Variants in EPS8 observed in about 807,000 individuals in gnomAD.
The protein encoded by EPS8 is epidermal growth factor receptor kinase substrate 8.
EPS8 carries 42 observed loss-of-function variants against 103.8 expected under a neutral mutation model. The observed-to-expected ratio is 0.40, with a 90% confidence interval of 0.32 to 0.52. The LOEUF (loss-of-function observed/expected upper bound fraction) is 0.52. EPS8 is among the 20% of genes least tolerant of loss of function. The pLI is 0.40. For synonymous variants in EPS8, 344 were observed against 344.6 expected (o/e 1.00, Z 0.02); for missense variants, 969 against 1,005.1 (o/e 0.96, Z 0.49).
Position 15,660,606 on chromosome 12 carries a change from C to T in EPS8, c.937+8G>A, listed in dbSNP as rs1462825887. 1.5e-6 allele frequency: 2 copies of T among 1,341,280 alleles called. No homozygotes were observed. The highest frequency in any genetic ancestry group is 2.1e-6 in the Non-Finnish European group (2 of 931,740). 83.1% of individuals were successfully genotyped at this position (1,341,280 alleles called of 1,614,324 possible). A position where few individuals can be genotyped will look rare whatever the true frequency, so the allele number is the denominator to read the frequency against. On this transcript the variant is annotated splice_region_variant and intron_variant, in intron 10 of 20. Transcript: ENST00000281172. ...CAGGCATTAGAAGATTAAGAAAATC[C>T]AACTTACCTCCTGGTCCTTTCCTTT...
chr12:15,659,972 A>C (rs181078062), intron 10 of EPS8, among the ~76,000 whole-genome samples: 5 of 152,332 alleles, frequency 3.3e-5, no homozygotes, highest in Non-Finnish European at 7.4e-5. Flanking sequence ...CAACAGAATA[A>C]ATCCAACTAC....
chr12:15,638,093 G>T (rs985608979), intron 17 of EPS8, among the ~76,000 whole-genome samples: 1 of 151,930 alleles, frequency 6.6e-6, no homozygotes, highest in African/African-American at 2.4e-5. Flanking sequence ...TAAGTTGCAG[G>T]ATTCTTCCTT....
rs780966252 is a variant in EPS8, at chr12:15,776,162, T to C, written c.-22+12999A>G. ...AAATTTTTGCCCAAGTATTCTCCTT[T>C]CCAGTGATTGGTATGGTTGATATCA... On this transcript the variant is annotated intron_variant, in intron 1 of 20. Coordinates refer to ENST00000281172, the MANE Select transcript of EPS8 (RefSeq NM_004447.6). The surrounding 1 kb of genome is among the most constrained non-coding windows in gnomAD (Gnocchi z 4.2). 2.0e-5 allele frequency among the ~76,000 whole-genome samples: 3 copies of C among 152,176 alleles called. No homozygotes were observed. The highest frequency in any genetic ancestry group is 4.4e-5 in the Non-Finnish European group (3 of 68,020).
Position 15,669,808 on chromosome 12 carries a change from G to C in EPS8, c.222C>G (p.Val74=). ...QYRVEHLTTF[V]LDRKDAMITV... ...TGATCATAGCATCTTTCCGATCCAG[G>C]ACAAAGGTAGTCAAGTGCTTACAAT... Residue 74 remains valine (V), a synonymous_variant, in exon 5 of 21, where the codon GTC becomes GTG. Coordinates refer to ENST00000281172, the MANE Select transcript of EPS8 (RefSeq NM_004447.6). 3.7e-6 allele frequency: 6 copies of C among 1,601,746 alleles called. No homozygotes were observed. Among genetic ancestry groups the C allele is most frequent in the Non-Finnish European group, 5.1e-6 (6 of 1,176,008 alleles).
chr12:15,755,216 T>C (rs1946974138), intron 1 of EPS8, among the ~76,000 whole-genome samples: 1 of 152,234 alleles, frequency 6.6e-6, no homozygotes, highest in African/African-American at 2.4e-5. Context: ...AATCAAGTTC[T>C]CCTTGACACT....
chr12:15,765,807 T>A (rs1947087728), intron 1 of EPS8, among the ~76,000 whole-genome samples: 1 of 151,548 alleles, frequency 6.6e-6, no homozygotes, highest in African/African-American at 2.4e-5. Context: ...AAAGTGGTTT[T>A]TTTTTTTTGG....
At chr12:15,646,883 T>A (rs1328254041) in intron 15 of EPS8, among the ~76,000 whole-genome samples, 1 of 152,216 alleles carries the variant, frequency 6.6e-6, no homozygotes, top group Non-Finnish European at 1.5e-5. Context: ...TTGTCCGAAG[T>A]ATCTTTTAAA....
chr12:15,685,472 T>TCA (rs1318352824), intron 1 of EPS8, among the ~76,000 whole-genome samples: 1 of 152,212 alleles, frequency 6.6e-6, no homozygotes, highest in Non-Finnish European at 1.5e-5. Context: ...CCACAGCAGC[T>TCA]GGTTTTAATG....
intron 15 of EPS8, among the ~76,000 whole-genome samples, chr12:15,644,698 A>C (rs1591815253): frequency 1.4e-3 from 1 of 736 alleles, no homozygotes; most frequent in African/African-American, 1.6e-3. Flanking sequence ...ACTCTGTCTC[A>C]AAAAAAAAAA....
In EPS8 at chr12:15,714,808, T is replaced by C. The variant is rs1159307100; in HGVS notation, c.-21-31836A>G. Among the ~76,000 whole-genome samples, 1 of 152,204 alleles carries C rather than the reference T, an allele frequency of 6.6e-6. No homozygotes were observed. The highest frequency in any genetic ancestry group is 1.5e-5 in the Non-Finnish European group (1 of 68,026). ...TAAAAGTGAAAAGCATCACTATAAA[T>C]AGAATTTTTAAAATGTATTTAGAAA... On this transcript the variant is annotated intron_variant, in intron 1 of 20. Coordinates refer to ENST00000281172, the MANE Select transcript of EPS8 (RefSeq NM_004447.6). The surrounding 1 kb of genome is among the most constrained non-coding windows in gnomAD (Gnocchi z 4.1).
intron 8 of EPS8, 158 bp from the exon 9 acceptor site, chr12:15,662,257 T>C (rs1945619116): frequency 1.4e-6 from 2 of 1,456,510 alleles, no homozygotes; most frequent in South Asian, 1.5e-5. Context: ...AGCCATGAAA[T>C]GCATCCTTGT....
chr12:15,663,948 A>AATATAT (rs58743830), intron 8 of EPS8, among the ~76,000 whole-genome samples: 119 of 49,392 alleles, frequency 2.4e-3, no homozygotes, highest in African/African-American at 6.5e-3. Flanking sequence ...AAAAAAAAAT[A>AATATAT]ATATATATAT....
chr12:15,709,291 TG>T (rs1364483450), intron 1 of EPS8, among the ~76,000 whole-genome samples: 2 of 151,760 alleles, frequency 1.3e-5, no homozygotes, highest in Non-Finnish European at 2.9e-5. Context: ...TAACAGAAGA[TG>T]GAACACAAAA....
rs1946319050 is a variant in EPS8 at position 15,702,157 on chromosome 12, G to A, written c.-21-19185C>T. 6.6e-6 allele frequency among the ~76,000 whole-genome samples: 1 copy of A among 152,152 alleles called. No individual in the cohort carries two copies. Among genetic ancestry groups the A allele is most frequent in the African/African-American group, 2.4e-5 (1 of 41,436 alleles). ...AGAAGAACAAATTTATTCCAAAAGG[G>A]CAAAGTGCTTAGAGCAGCAGCCTAA... On this transcript the variant is annotated intron_variant, in intron 1 of 20. Transcript: ENST00000281172. The surrounding 1 kb of genome is among the most constrained non-coding windows in gnomAD (Gnocchi z 5.1).
chr12:15,669,814 G>C lies in EPS8; in HGVS notation c.216C>G (p.Thr72=). The C allele has an allele frequency of 6.3e-7, 1 of 1,599,672 alleles. No individual in the cohort carries two copies. The highest frequency in any genetic ancestry group is 8.5e-7 in the Non-Finnish European group (1 of 1,174,786). The part of the protein sequence containing the change: ...ISQYRVEHLT[T]FVLDRKDAMI... ...TAGCATCTTTCCGATCCAGGACAAA[G>C]GTAGTCAAGTGCTTACAATTGGCAA... The change falls in exon 5 of 21, where the codon ACC becomes ACG. Residue 72 remains threonine, a synonymous_variant. Coordinates refer to ENST00000281172, the MANE Select transcript of EPS8 (RefSeq NM_004447.6).
chr12:15,641,936 AT>A, intron 15 of EPS8, 106 bp from the exon 16 acceptor site: 1 of 471,642 alleles, frequency 2.1e-6, no homozygotes, highest in Non-Finnish European at 3.7e-6. Context: ...TTTCTGAAAA[AT>A]TACAGCAGTT....
chr12:15,638,427 T>C (rs1945172979), intron 17 of EPS8, among the ~76,000 whole-genome samples: 2 of 152,240 alleles, frequency 1.3e-5, no homozygotes, highest in South Asian at 4.1e-4. Flanking sequence ...CCCAAAATTT[T>C]CAGGAGGTGT....
At position 15,778,055 on chromosome 12, in the gene EPS8, C is replaced by A. The variant is rs1318852211; in HGVS notation, c.-22+11106G>T. On this transcript the variant is annotated intron_variant, in intron 1 of 20. Coordinates refer to ENST00000281172, the MANE Select transcript of EPS8 (RefSeq NM_004447.6). This position sits in a 1 kb window ranked among gnomAD's most constrained non-coding sequence, Gnocchi z 4.5. ...TAATTCTGCAAACATAGCAAACATA[C>A]AAATATACAAAAAATATAGACCTTA... Among the ~76,000 whole-genome samples, 1 of 152,054 alleles carries A rather than the reference C, an allele frequency of 6.6e-6. No homozygotes were observed. The highest frequency in any genetic ancestry group is 1.5e-5 in the Non-Finnish European group (1 of 67,998).
Position 15,731,340 on chromosome 12 carries a change from C to T in EPS8, c.-21-48368G>A, listed in dbSNP as rs191510937. Among the ~76,000 whole-genome samples, 11 of 152,020 alleles carry T rather than the reference C, an allele frequency of 7.2e-5. No homozygotes were observed. The East Asian group carries it at 1.9e-3, about 27-fold the overall frequency. ...TTTAGATGGAGTCTCACTGTGTTGC[C>T]CAGGCTGAAGTGCAATGGCACAATC... On this transcript the variant is annotated intron_variant, in intron 1 of 20. Transcript: ENST00000281172. The surrounding 1 kb of genome is among the most constrained non-coding windows in gnomAD (Gnocchi z 5.1).
Sources: allele counts gnomAD v4.1 joint callset (sites outside exome capture counted in the v4.1 genomes callset), GRCh38; gene constraint gnomAD v4.1.1; non-coding constraint Gnocchi (gnomAD v3.1); transcripts MANE v1.5; gene names NCBI Gene and HGNC (gene_info 2026-07-23, HGNC 2026-07-21).